STXBP5L: variants seen among roughly 807,000 people sequenced by gnomAD.
The protein encoded by STXBP5L is syntaxin-binding protein 5-like.
STXBP5L carries 65 observed loss-of-function variants against 144.5 expected under a neutral mutation model. The ratio of observed to expected loss-of-function variants is 0.45; its 90% CI spans 0.37 to 0.55. The LOEUF (loss-of-function observed/expected upper bound fraction) is 0.55, where lower values mean the gene tolerates loss of function less well. Among genes scored for constraint, STXBP5L ranks in the 20% least tolerant of loss-of-function variants. STXBP5L has a pLI of 0.00. For synonymous variants in STXBP5L, 505 were observed against 469.6 expected, an observed-to-expected ratio of 1.08 and a Z score of -0.97; for missense variants, 1,298 against 1,405.5, an observed-to-expected ratio of 0.92 and a Z score of 1.22.
At chr3:121,387,102 G>C (rs556793245) in intron 22 of STXBP5L, among the ~76,000 whole-genome samples, 6 of 152,024 alleles carry the variant, frequency 3.9e-5, no homozygotes, top group Admixed American at 1.3e-4. Context: ...CCATTCTAAC[G>C]GGTGTGAGAT....
chr3:121,238,611 A>G (rs2049563714), intron 12 of STXBP5L, among the ~76,000 whole-genome samples: 1 of 152,138 alleles, frequency 6.6e-6, no homozygotes. Flanking sequence ...TTACCAATGT[A>G]TATAGGTAAA....
chr3:121,182,104 T>C, intron 9 of STXBP5L, among the ~76,000 whole-genome samples: 1 of 152,132 alleles, frequency 6.6e-6, no homozygotes, highest in South Asian at 2.1e-4. Context: ...CTGACAGCAC[T>C]ACACAGATCA....
At chr3:121,378,170 G>A (rs568916608) in intron 20 of STXBP5L, among the ~76,000 whole-genome samples, 1 of 151,956 alleles carries the variant, frequency 6.6e-6, no homozygotes, top group Non-Finnish European at 1.5e-5. Flanking sequence ...GGCCTGTCGG[G>A]GGGTGGGGGG....
intron 7 of STXBP5L, among the ~76,000 whole-genome samples, chr3:121,134,416 T>A (rs559733223): frequency 1.9e-4 from 29 of 152,304 alleles, no homozygotes; most frequent in East Asian, 1.4e-3. Context: ...TCTTTTTTTT[T>A]AATTATACTT....
chr3:121,396,409 G>A (rs1369309053), intron 22 of STXBP5L, among the ~76,000 whole-genome samples: 1 of 152,200 alleles, frequency 6.6e-6, no homozygotes, highest in African/African-American at 2.4e-5. Context: ...GTAGAGGCTG[G>A]AATGCCCATC....
chr3:121,339,832 G>C (rs1212853034), intron 20 of STXBP5L, among the ~76,000 whole-genome samples: 2 of 150,214 alleles, frequency 1.3e-5, no homozygotes, highest in Non-Finnish European at 3.0e-5. Flanking sequence ...AAAAAAACTA[G>C]GAATACATTT....
chr3:121,267,019 C>G (rs1441222030), intron 18 of STXBP5L, among the ~76,000 whole-genome samples: 1 of 151,970 alleles, frequency 6.6e-6, no homozygotes, highest in Non-Finnish European at 1.5e-5. Context: ...CTATCCCCAT[C>G]AAGCTACCAT....
At chr3:121,018,232 G>A (rs1349654315) in intron 3 of STXBP5L, among the ~76,000 whole-genome samples, 1 of 152,148 alleles carries the variant, frequency 6.6e-6, no homozygotes, top group Non-Finnish European at 1.5e-5. Flanking sequence ...TGATTCCAAA[G>A]TGTATATGGA....
At chr3:120,926,356 C>CTTTTTTTTTT (rs35029446) in intron 2 of STXBP5L, among the ~76,000 whole-genome samples, 4 of 139,740 alleles carry the variant, frequency 2.9e-5, no homozygotes, top group Non-Finnish European at 6.1e-5. Context: ...GATGGCAGTT[C>CTTTTTTTTTT]TTTTTTTTTT....
At chr3:121,254,039 A>T (rs2108372439) in intron 15 of STXBP5L, among the ~76,000 whole-genome samples, 1 of 152,160 alleles carries the variant, frequency 6.6e-6, no homozygotes, top group Admixed American at 6.5e-5. Context: ...AACTCTGGAA[A>T]AGTTCCTGAG....
chr3:121,126,412 G>A (rs1371940692), intron 7 of STXBP5L, among the ~76,000 whole-genome samples: 1 of 152,098 alleles, frequency 6.6e-6, no homozygotes, highest in Non-Finnish European at 1.5e-5. Flanking sequence ...CTCAGTATTG[G>A]ATTTTTGAAG....
At chr3:121,074,103 T>C (rs1372347078) in intron 5 of STXBP5L, among the ~76,000 whole-genome samples, 1 of 152,186 alleles carries the variant, frequency 6.6e-6, no homozygotes, top group Non-Finnish European at 1.5e-5. Context: ...TTCAGGTCTG[T>C]CTAGTGCTTC....
chr3:121,123,145 T>C (rs1296971307), intron 7 of STXBP5L, among the ~76,000 whole-genome samples: 2 of 151,536 alleles, frequency 1.3e-5, no homozygotes, highest in African/African-American at 4.8e-5. Context: ...CAATATACAA[T>C]TTGTCAACAT....
At chr3:120,991,743 T>C (rs1057160744) in intron 3 of STXBP5L, among the ~76,000 whole-genome samples, 3 of 150,148 alleles carry the variant, frequency 2.0e-5, no homozygotes, top group African/African-American at 7.4e-5. Context: ...TTCTCACTCA[T>C]AGGTGGGAAT....
At chr3:121,140,692 A>G (rs1456190107) in intron 7 of STXBP5L, among the ~76,000 whole-genome samples, 1 of 152,172 alleles carries the variant, frequency 6.6e-6, no homozygotes, top group African/African-American at 2.4e-5. Context: ...AAAATTGATT[A>G]CATTGAAGTA....
intron 11 of STXBP5L, among the ~76,000 whole-genome samples, chr3:121,233,167 T>C (rs1240077458): frequency 1.3e-5 from 2 of 152,218 alleles, no homozygotes; most frequent in African/African-American, 2.4e-5. Context: ...GTAAACTTTT[T>C]ATTATAAGCA....
chr3:121,275,495 A>G (rs1222163092), intron 18 of STXBP5L, among the ~76,000 whole-genome samples: 2 of 152,162 alleles, frequency 1.3e-5, no homozygotes, highest in Admixed American at 1.3e-4. Context: ...CATAATTGCA[A>G]TGCCACTATG....
chr3:120,937,745 C>A (rs1164907148), intron 2 of STXBP5L, among the ~76,000 whole-genome samples: 1 of 151,962 alleles, frequency 6.6e-6, no homozygotes, highest in Middle Eastern at 3.4e-3. Context: ...AACAAACAAA[C>A]AAAAAAACTT....
At chr3:121,092,895 A>T (rs1307232739) in intron 5 of STXBP5L, among the ~76,000 whole-genome samples, 1 of 152,120 alleles carries the variant, frequency 6.6e-6, no homozygotes, top group Non-Finnish European at 1.5e-5. Context: ...TCAGTATGAT[A>T]TTGGCTGTGG....
Sources: allele counts gnomAD v4.1 joint callset (sites outside exome capture counted in the v4.1 genomes callset), GRCh38; gene constraint gnomAD v4.1.1; transcripts MANE v1.5; gene names NCBI Gene and HGNC (gene_info 2026-07-23, HGNC 2026-07-21).